Variants in UNC13C observed in about 807,000 individuals in gnomAD.
The protein encoded by UNC13C is unc-13 homolog C.
In UNC13C, 174 loss-of-function variants were observed where a neutral mutation model predicts 245.4. The observed-to-expected ratio is 0.71, with a 90% CI of 0.63 to 0.80. UNC13C has a LOEUF of 0.80. Ranked by LOEUF, UNC13C falls within the 30% of genes least tolerant of loss-of-function variation. The probability of loss-of-function intolerance (pLI) is 0.00; values close to 1 mark genes in which losing one functional copy is unlikely to be tolerated. For synonymous variants in UNC13C, 992 were observed against 895.1 expected (o/e 1.11, Z -1.93); for missense variants, 2,829 against 2,602.9 (o/e 1.09, Z -1.89).
At chr15:54,115,627 T>C (rs530863445) in intron 2 of UNC13C, among the ~76,000 whole-genome samples, 5 of 152,274 alleles carry the variant, frequency 3.3e-5, no homozygotes, top group Non-Finnish European at 7.4e-5. Flanking sequence ...TAAAAATAAT[T>C]TTATTTTAAT....
intron 2 of UNC13C, among the ~76,000 whole-genome samples, chr15:54,121,211 G>A (rs913145769): frequency 6.6e-6 from 1 of 152,008 alleles, no homozygotes; most frequent in Non-Finnish European, 1.5e-5. Flanking sequence ...TCAATAAATT[G>A]CCACAGTCAC....
At chr15:54,440,698 A>G (rs577480596) in intron 19 of UNC13C, among the ~76,000 whole-genome samples, 2 of 152,138 alleles carry the variant, frequency 1.3e-5, no homozygotes, top group African/African-American at 4.8e-5. Flanking sequence ...TGGATCCTAC[A>G]GTAGTTCTAT....
chr15:54,031,396 T>C (rs1007614307), intron 2 of UNC13C, among the ~76,000 whole-genome samples: 4 of 152,208 alleles, frequency 2.6e-5, no homozygotes, highest in Non-Finnish European at 5.9e-5. Context: ...GCTAATTTTT[T>C]GTATTTTTAG....
At chr15:53,910,628 G>C in the UNC13C span, 1 of 145,776 alleles carries the variant, frequency 6.9e-6, no homozygotes, top group Non-Finnish European at 1.5e-5. Flanking sequence ...ATCGTGCCCA[G>C]AGAAAGAGTT....
chr15:54,065,440 A>G (rs1270128558), intron 2 of UNC13C, among the ~76,000 whole-genome samples: 4 of 152,208 alleles, frequency 2.6e-5, no homozygotes, highest in Admixed American at 2.6e-4. Flanking sequence ...GAACCATGCT[A>G]AGGTGACACA....
At chr15:54,325,481 TACTTGTGCC>T (rs988759387) in intron 14 of UNC13C, among the ~76,000 whole-genome samples, 2 of 152,046 alleles carry the variant, frequency 1.3e-5, no homozygotes, top group Non-Finnish European at 2.9e-5. Flanking sequence ...TACATAGGTA[TACTTGTGCC>T]ATGTTGGTTT....
At chr15:53,862,469 A>G in the UNC13C span, among the ~76,000 whole-genome samples, 3 of 152,170 alleles carry the variant, frequency 2.0e-5, no homozygotes, top group Non-Finnish European at 4.4e-5. Context: ...AGAGTCTTGG[A>G]AAGTTTCTTA....
chr15:54,539,396 GAA>G (rs1013368590), intron 26 of UNC13C, among the ~76,000 whole-genome samples: 16 of 151,890 alleles, frequency 1.1e-4, no homozygotes, highest in African/African-American at 3.9e-4. Context: ...AAGAAGTAAA[GAA>G]AGAGAGAAGG....
chr15:54,351,228 G>C (rs1341031210), intron 17 of UNC13C, among the ~76,000 whole-genome samples: 6 of 152,052 alleles, frequency 3.9e-5, no homozygotes, highest in African/African-American at 1.4e-4. Flanking sequence ...GGCTACTTCA[G>C]AAAATACAGG....
chr15:54,155,478 A>C (rs2032703568), intron 4 of UNC13C, among the ~76,000 whole-genome samples: 1 of 152,336 alleles, frequency 6.6e-6, no homozygotes, highest in East Asian at 1.9e-4. Flanking sequence ...GACTGAGGCC[A>C]TTTTTGACAA....
chr15:54,576,257 A>G (rs1897951211), intron 30 of UNC13C, among the ~76,000 whole-genome samples: 1 of 152,182 alleles, frequency 6.6e-6, no homozygotes, highest in South Asian at 2.1e-4. Context: ...GACAGGGACA[A>G]TGCCCCTCCC....
At chr15:54,367,897 C>T (rs1002468372) in intron 17 of UNC13C, among the ~76,000 whole-genome samples, 2 of 152,094 alleles carry the variant, frequency 1.3e-5, no homozygotes, top group Non-Finnish European at 2.9e-5. Context: ...ACTTTATTTA[C>T]GTTTATTTTA....
chr15:54,081,972 TG>T (rs1441573923), intron 2 of UNC13C, among the ~76,000 whole-genome samples: 1 of 152,200 alleles, frequency 6.6e-6, no homozygotes, highest in Non-Finnish European at 1.5e-5. Flanking sequence ...CTTATAGGGC[TG>T]GTCTGGTGGT....
At chr15:53,871,764 C>T in the UNC13C span, among the ~76,000 whole-genome samples, 3 of 152,156 alleles carry the variant, frequency 2.0e-5, no homozygotes, top group East Asian at 1.9e-4. Context: ...TCTTCATGCT[C>T]GCCTAGCATC....
chr15:54,352,474 T>A (rs745344223), intron 17 of UNC13C, among the ~76,000 whole-genome samples: 18 of 151,368 alleles, frequency 1.2e-4, no homozygotes, highest in Non-Finnish European at 1.2e-4. Context: ...TGAAATGGTA[T>A]CTAATGTGCT....
chr15:53,960,088 C>G, the UNC13C span, among the ~76,000 whole-genome samples: 1 of 152,142 alleles, frequency 6.6e-6, no homozygotes, highest in African/African-American at 2.4e-5. Flanking sequence ...AGGAGATATG[C>G]TACCTCCAAG....
intron 2 of UNC13C, among the ~76,000 whole-genome samples, chr15:54,041,311 T>C (rs1325293159): frequency 6.6e-6 from 1 of 152,190 alleles, no homozygotes; most frequent in Non-Finnish European, 1.5e-5. Flanking sequence ...AATTAAACAC[T>C]CTCATAACAC....
chr15:53,936,881 A>G, the UNC13C span, among the ~76,000 whole-genome samples: 10 of 152,234 alleles, frequency 6.6e-5, no homozygotes, highest in Admixed American at 6.5e-4. Flanking sequence ...TTCTGTGGTC[A>G]GCAACCTCAA....
the UNC13C span, among the ~76,000 whole-genome samples, chr15:53,881,105 G>A: frequency 6.6e-6 from 1 of 152,044 alleles, no homozygotes; most frequent in South Asian, 2.1e-4. Flanking sequence ...ATCATTTAAG[G>A]GCTGCATTAA....
Sources: allele counts gnomAD v4.1 joint callset (sites outside exome capture counted in the v4.1 genomes callset), GRCh38; gene constraint gnomAD v4.1.1; transcripts MANE v1.5; gene names NCBI Gene and HGNC (gene_info 2026-07-23, HGNC 2026-07-21).